ADAM12: variants seen among roughly 807,000 people sequenced by gnomAD.
The protein encoded by ADAM12 is ADAM metallopeptidase domain 12, also known as disintegrin and metalloproteinase domain-containing protein 12.
A neutral mutation model predicts 106.4 loss-of-function variants in ADAM12; 70 were observed. That is an observed-to-expected ratio of 0.66 (90% CI 0.54 to 0.80). The LOEUF (loss-of-function observed/expected upper bound fraction) is 0.80. Ranked by LOEUF, ADAM12 falls within the 30% of genes least tolerant of loss-of-function variation. ADAM12 has a pLI of 0.00. For missense variants in ADAM12, 1,010 were observed against 1,171.9 expected, an observed-to-expected ratio of 0.86 and a Z score of 2.02; for synonymous variants, 420 against 433.5, an observed-to-expected ratio of 0.97 and a Z score of 0.39.
chr10:126,113,608 C>T (rs1471859500), intron 6 of ADAM12, among the ~76,000 whole-genome samples: 8 of 120,580 alleles, frequency 6.6e-5, no homozygotes, highest in East Asian at 2.7e-4. Context: ...TGCAGTGAGC[C>T]GAGATGGCAC....
intron 1 of ADAM12, among the ~76,000 whole-genome samples, chr10:126,354,458 C>T (rs1342276250): frequency 4.0e-5 from 3 of 74,280 alleles, no homozygotes; most frequent in Admixed American, 1.3e-4. Context: ...AGAACGTCTG[C>T]GGGAGATGGA....
chr10:126,285,633 C>T (rs1959819830), intron 2 of ADAM12, among the ~76,000 whole-genome samples: 1 of 152,198 alleles, frequency 6.6e-6, no homozygotes, highest in Non-Finnish European at 1.5e-5. Flanking sequence ...ACTGATACTG[C>T]ATTTACTCCA....
chr10:126,124,895 C>CACAAA (rs1956175627), intron 5 of ADAM12, among the ~76,000 whole-genome samples: 1 of 85,990 alleles, frequency 1.2e-5, no homozygotes. Flanking sequence ...GACACCGTCT[C>CACAAA]AAAAAAAAAA....
chr10:126,313,865 G>C (rs1366855553), intron 2 of ADAM12, among the ~76,000 whole-genome samples: 1 of 152,136 alleles, frequency 6.6e-6, no homozygotes, highest in African/African-American at 2.4e-5. Context: ...GCAGAGCGTG[G>C]AAGAAACAAA....
chr10:126,231,493 C>A (rs181830046), intron 3 of ADAM12, among the ~76,000 whole-genome samples: 88 of 152,236 alleles, frequency 5.8e-4, no homozygotes, highest in Admixed American at 2.4e-3. Context: ...ATTCTAGCTA[C>A]TGCGCCATCT....
chr10:126,280,017 G>A (rs1959489696), intron 2 of ADAM12, among the ~76,000 whole-genome samples: 1 of 152,202 alleles, frequency 6.6e-6, no homozygotes, highest in Non-Finnish European at 1.5e-5. Context: ...TTTCATATTT[G>A]AAAGTCAGTC....
chr10:126,137,585 C>T (rs1388962834), intron 4 of ADAM12, among the ~76,000 whole-genome samples: 1 of 152,226 alleles, frequency 6.6e-6, no homozygotes, highest in Non-Finnish European at 1.5e-5. Flanking sequence ...AACCTGCTTT[C>T]TATCTCTATG....
At chr10:126,336,249 C>T (rs1021389074) in intron 1 of ADAM12, among the ~76,000 whole-genome samples, 2 of 152,128 alleles carry the variant, frequency 1.3e-5, no homozygotes, top group African/African-American at 4.8e-5. Flanking sequence ...TTCTGTCACT[C>T]TAAAATCGTT....
intron 3 of ADAM12, among the ~76,000 whole-genome samples, chr10:126,244,880 C>G (rs901697027): frequency 6.6e-6 from 1 of 152,156 alleles, no homozygotes; most frequent in Non-Finnish European, 1.5e-5. Flanking sequence ...TGTACATTAG[C>G]AAATGAGTAG....
intron 1 of ADAM12, among the ~76,000 whole-genome samples, chr10:126,372,282 AC>A (rs1477706564): frequency 6.6e-6 from 1 of 152,212 alleles, no homozygotes; most frequent in Non-Finnish European, 1.5e-5. Context: ...GAACAGTGAT[AC>A]CATGTGCCCC....
intron 4 of ADAM12, among the ~76,000 whole-genome samples, chr10:126,145,786 A>G (rs1471417665): frequency 2.6e-5 from 4 of 152,234 alleles, no homozygotes; most frequent in Non-Finnish European, 4.4e-5. Flanking sequence ...TATTTACTCA[A>G]TGTTAGCTAC....
intron 6 of ADAM12, 103 bp from the exon 7 acceptor site, chr10:126,109,943 C>T (rs575625635): frequency 3.3e-5 from 36 of 1,083,968 alleles, no homozygotes; most frequent in African/African-American, 3.0e-4. Context: ...ATGTATATCC[C>T]CCATCCCCGC....
intron 1 of ADAM12, among the ~76,000 whole-genome samples, chr10:126,337,098 T>C (rs190580461): frequency 6.6e-6 from 1 of 152,354 alleles, no homozygotes; most frequent in East Asian, 1.9e-4. Flanking sequence ...TAGGAAGAAC[T>C]GGCTCACACA....
intron 1 of ADAM12, among the ~76,000 whole-genome samples, chr10:126,381,974 CA>C (rs11299278): frequency 0.64 from 89,646 of 139,042 alleles, 27,987 homozygotes; most frequent in Admixed American, 0.72. Context: ...GACCCTGTCT[CA>C]AAAAAAAAAA....
At chr10:126,248,262 C>T (rs563205217) in intron 3 of ADAM12, among the ~76,000 whole-genome samples, 1 of 152,148 alleles carries the variant, frequency 6.6e-6, no homozygotes, top group Non-Finnish European at 1.5e-5. Context: ...TCTAGGTACT[C>T]GGAATGAACA....
chr10:126,294,319 A>C (rs1323251991), intron 2 of ADAM12, among the ~76,000 whole-genome samples: 1 of 152,246 alleles, frequency 6.6e-6, no homozygotes, highest in Non-Finnish European at 1.5e-5. Flanking sequence ...TCAGACCAAA[A>C]TAGAAAATGT....
At chr10:126,231,761 G>C (rs2133625081) in intron 3 of ADAM12, among the ~76,000 whole-genome samples, 1 of 152,316 alleles carries the variant, frequency 6.6e-6, no homozygotes, top group East Asian at 1.9e-4. Flanking sequence ...GCTGCTCTCT[G>C]TTGGCGCCTC....
intron 2 of ADAM12, among the ~76,000 whole-genome samples, chr10:126,295,861 A>G (rs1169030552): frequency 6.6e-6 from 1 of 151,490 alleles, no homozygotes; most frequent in African/African-American, 2.4e-5. Context: ...GATCAAAGCT[A>G]AAAATGAACC....
chr10:126,355,070 T>C (rs908593591), intron 1 of ADAM12, among the ~76,000 whole-genome samples: 4 of 152,194 alleles, frequency 2.6e-5, no homozygotes, highest in Non-Finnish European at 5.9e-5. Context: ...AGTGAATTTA[T>C]ACATCAAAAT....
Sources: gnomAD v4.1 joint callset for allele counts (sites outside exome capture counted in the v4.1 genomes callset) on GRCh38, gnomAD v4.1.1 for gene constraint, MANE v1.5 for transcripts, NCBI Gene and HGNC (gene_info 2026-07-23, HGNC 2026-07-21) for gene names.